Variants in HEATR5A observed in about 807,000 individuals in gnomAD.
HEATR5A encodes HEAT repeat containing 5A.
Under a neutral mutation model 218.8 loss-of-function variants are expected in HEATR5A, and 178 were observed. The observed-to-expected ratio is 0.81, with a 90% CI of 0.72 to 0.92. HEATR5A has a LOEUF of 0.92. HEATR5A is among the 40% of genes least tolerant of loss of function. HEATR5A has a pLI of 0.00. For synonymous variants in HEATR5A, 864 were observed against 871.6 expected, an observed-to-expected ratio of 0.99 and a Z score of 0.15; for missense variants, 2,420 against 2,418.9, an observed-to-expected ratio of 1.00 and a Z score of -0.01.
At chr14:31,418,077 G>A (rs1378544156) in intron 1 of HEATR5A, among the ~76,000 whole-genome samples, 1 of 151,390 alleles carries the variant, frequency 6.6e-6, no homozygotes, top group Non-Finnish European at 1.5e-5. Flanking sequence ...GCGTGGTGGT[G>A]CATGCCTGTA....
chr14:31,413,625 A>T (rs1181483713), intron 1 of HEATR5A, among the ~76,000 whole-genome samples: 1 of 152,194 alleles, frequency 6.6e-6, no homozygotes, highest in East Asian at 1.9e-4. Flanking sequence ...TGTCAGTGAC[A>T]GAAAAATGAT....
chr14:31,334,510 G>A, intron 22 of HEATR5A: 2 of 450,036 alleles, frequency 4.4e-6, no homozygotes, highest in Non-Finnish European at 8.9e-6. Context: ...AGTTGATAAA[G>A]TGGTAGCAGG....
chr14:31,315,267 G>T (rs1381369599), intron 27 of HEATR5A, among the ~76,000 whole-genome samples: 1 of 152,082 alleles, frequency 6.6e-6, no homozygotes, highest in African/African-American at 2.4e-5. Context: ...ATACTATTAG[G>T]TCTACTTTTG....
chr14:31,399,257 A>G (rs1163356592), intron 3 of HEATR5A, among the ~76,000 whole-genome samples: 4 of 152,220 alleles, frequency 2.6e-5, no homozygotes, highest in Admixed American at 2.0e-4. Context: ...CTAAGGCACG[A>G]CACTTAGGTG....
At chr14:31,372,788 T>C (rs966611028) in intron 12 of HEATR5A, among the ~76,000 whole-genome samples, 4 of 151,974 alleles carry the variant, frequency 2.6e-5, no homozygotes, top group African/African-American at 9.7e-5. Flanking sequence ...GATCATGCCA[T>C]TGCACTCCAG....
intron 33 of HEATR5A, among the ~76,000 whole-genome samples, chr14:31,298,082 C>G (rs1222497855): frequency 6.6e-6 from 1 of 152,162 alleles, no homozygotes; most frequent in Non-Finnish European, 1.5e-5. Context: ...ATGCACAATT[C>G]ACTTAGCTAG....
Position 31,293,508 on chromosome 14 carries a change from C to T in HEATR5A, c.5938G>A (p.Ala1980Thr). 1 of 1,613,774 alleles carries T rather than the reference C, an allele frequency of 6.2e-7. No homozygotes were observed. Among genetic ancestry groups the T allele is most frequent in the South Asian group, 1.1e-5 (1 of 91,076 alleles). ...CCAATTTGCATGAGATTTTGTAGAGCAAAGTCATGTAAATTTCTCATTATG... is the reference window on the plus strand; with the variant it reads ...CCAATTTGCATGAGATTTTGTAGAGTAAAGTCATGTAAATTTCTCATTATG... Reference protein sequence around the residue: ...TSIMRNLHDFALQNLMQIGPQ... With the variant: ...TSIMRNLHDFTLQNLMQIGPQ... The change falls in exon 36 of 36, where the codon GCT becomes ACT. Residue 1980 changes from alanine to threonine, a missense_variant. By Grantham distance (58) the Ala-to-Thr change is moderately conservative. Coordinates refer to ENST00000543095, the MANE Select transcript of HEATR5A (RefSeq NM_015473.4).
intron 22 of HEATR5A, 49 bp from the exon 23 acceptor site, chr14:31,326,391 C>A: frequency 7.4e-7 from 1 of 1,348,630 alleles, no homozygotes; most frequent in South Asian, 1.3e-5. Flanking sequence ...AACAAAACTA[C>A]CATATCAGAA....
At position 31,383,744 on chromosome 14, in the gene HEATR5A, AT is replaced by A. The variant is rs2030090362; in HGVS notation, c.1372del (p.Ile458PhefsTer10). ...TCGAACAGAAATGCTAGGATGAAGA[AT>A]AACTGACAAGATACTGTCAAGGAGA... is the stretch of plus-strand genomic sequence containing the variant. ...TGLLDSILSV[I>X]LHPSISVRLA... On this transcript the variant is annotated frameshift_variant, in exon 10 of 36. Transcript: ENST00000543095. LOFTEE classifies it high-confidence loss of function. 6.2e-7 allele frequency: 1 copy of A among 1,613,446 alleles called. No homozygotes were observed. The highest frequency in any genetic ancestry group is 1.3e-5 in the African/African-American group (1 of 74,926).
At position 31,323,549 on chromosome 14, in the gene HEATR5A, T is replaced by C. The variant is rs1267407137; in HGVS notation, c.3787+16A>G. The C allele has an allele frequency of 6.4e-7, 1 of 1,568,156 alleles. No individual in the cohort carries two copies. On this transcript the variant is annotated intron_variant, in intron 24 of 35. Coordinates refer to ENST00000543095, the MANE Select transcript of HEATR5A (RefSeq NM_015473.4). ...TTACACATATCATTTGGTGTTTTCA[T>C]CACTATGTCACTTACTTCTTGAATC...
chr14:31,309,429 T>C (rs569419210), intron 28 of HEATR5A, among the ~76,000 whole-genome samples: 3 of 152,304 alleles, frequency 2.0e-5, no homozygotes, highest in African/African-American at 7.2e-5. Context: ...TAATATATTG[T>C]TAACAAAATA....
chr14:31,293,445 A>C lies in HEATR5A; in HGVS notation c.6001T>G (p.Ser2001Ala), dbSNP rs1297817681. The change falls in exon 36 of 36, where the codon TCT becomes GCT. Residue 2001 changes from serine (S) to alanine (A), a missense_variant. Ser to Ala is a moderately conservative substitution (Grantham distance 99). Transcript: ENST00000543095. ...AGGCGGGCTTTTAGGGCTGGAGAAG[A>C]AGCCACTAAACTTTTAAAAACAGAT... ...YSSVFKSLVASSPALKARLEA... is the reference protein window; with the variant it reads ...YSSVFKSLVAASPALKARLEA... The C allele has an allele frequency of 6.2e-7, 1 of 1,614,002 alleles. No homozygotes were observed. The highest frequency in any genetic ancestry group is 2.2e-5 in the East Asian group (1 of 44,882).
intron 7 of HEATR5A, among the ~76,000 whole-genome samples, chr14:31,387,988 C>G (rs779701028): frequency 3.9e-5 from 6 of 152,154 alleles, no homozygotes; most frequent in African/African-American, 7.2e-5. Context: ...CTTCTGTGAA[C>G]AACGGCTCCG....
chr14:31,332,011 T>C (rs2139184174), intron 22 of HEATR5A, among the ~76,000 whole-genome samples: 1 of 152,250 alleles, frequency 6.6e-6, no homozygotes, highest in East Asian at 1.9e-4. Flanking sequence ...CAAACTTAAG[T>C]ATTTAGGGTG....
intron 22 of HEATR5A, chr14:31,334,460 T>C (rs1900582225): frequency 4.4e-6 from 2 of 456,068 alleles, no homozygotes; most frequent in South Asian, 1.5e-5. Flanking sequence ...GTGAACACTG[T>C]TGAAATTACA....
At chr14:31,335,716 C>T (rs1375074382) in intron 22 of HEATR5A, among the ~76,000 whole-genome samples, 1 of 152,086 alleles carries the variant, frequency 6.6e-6, no homozygotes, top group Non-Finnish European at 1.5e-5. Context: ...TGCAGTGGTG[C>T]AATTTCGGCC....
chr14:31,362,463 G>A (rs958324911), intron 14 of HEATR5A, among the ~76,000 whole-genome samples: 3 of 151,438 alleles, frequency 2.0e-5, no homozygotes, highest in Non-Finnish European at 4.4e-5. Flanking sequence ...TTTTTTAAGG[G>A]TAAGACTTAC....
Position 31,293,382 on chromosome 14 carries a change from C to G in HEATR5A, c.6064G>C (p.Val2022Leu). The G allele has an allele frequency of 6.2e-7, 1 of 1,613,884 alleles. No homozygotes were observed. The highest frequency in any genetic ancestry group is 2.2e-5 in the East Asian group (1 of 44,876). ...AIKGNQESVK[V>L]KIPTSKYTKS... ...GTATATTTAGATGTTGGTATCTTGA[C>G]TTTGACACTTTCCTGATTGCCCTTT... The change falls in exon 36 of 36, where the codon GTC (valine) becomes CTC (leucine). Residue 2022 changes from valine to leucine, a missense_variant. Val to Leu is a conservative substitution (Grantham distance 32). Coordinates refer to ENST00000543095, the MANE Select transcript of HEATR5A (RefSeq NM_015473.4).
intron 25 of HEATR5A, among the ~76,000 whole-genome samples, chr14:31,319,051 C>G (rs1414527899): frequency 6.6e-6 from 1 of 152,152 alleles, no homozygotes; most frequent in African/African-American, 2.4e-5. Context: ...TGCTTGAGTT[C>G]TAATTGTATT....
Sources: allele counts gnomAD v4.1 joint callset (sites outside exome capture counted in the v4.1 genomes callset), GRCh38; gene constraint gnomAD v4.1.1; transcripts MANE v1.5; gene names NCBI Gene and HGNC (gene_info 2026-07-23, HGNC 2026-07-21).